The following DOP1B variants were observed in gnomAD, a reference collection of about 807,000 sequenced individuals.
DOP1B encodes protein DOP1B.
DOP1B carries 174 observed loss-of-function variants against 233.5 expected under a neutral mutation model. The ratio of observed to expected loss-of-function variants is 0.75; its 90% CI spans 0.66 to 0.85. DOP1B has a LOEUF of 0.85. DOP1B is among the 40% of genes least tolerant of loss of function. The pLI is 0.00. For synonymous variants in DOP1B, 1,190 were observed against 1,185.6 expected (o/e 1.00, Z -0.08); for missense variants, 2,652 against 2,846.6 (o/e 0.93, Z 1.56).
At chr21:36,261,257 C>T (rs1011308011) in intron 24 of DOP1B, 16 of 906,498 alleles carry the variant, frequency 1.8e-5, no homozygotes, top group African/African-American at 1.9e-5. Context: ...CCCAGCTACT[C>T]GGGAGGCTGA....
At chr21:36,277,362 A>G (rs2146243390) in intron 28 of DOP1B, among the ~76,000 whole-genome samples, 1 of 152,002 alleles carries the variant, frequency 6.6e-6, no homozygotes, top group East Asian at 1.9e-4. Context: ...AGCTCACTGC[A>G]ACCTCCACCT....
intron 2 of DOP1B, among the ~76,000 whole-genome samples, chr21:36,190,524 A>G (rs1399785644): frequency 6.6e-6 from 1 of 151,586 alleles, no homozygotes; most frequent in Admixed American, 6.6e-5. Flanking sequence ...CAGTCTCCCA[A>G]GTATCTGGGA....
At chr21:36,269,551 C>A (rs907841877) in intron 26 of DOP1B, among the ~76,000 whole-genome samples, 2 of 151,916 alleles carry the variant, frequency 1.3e-5, no homozygotes, top group Non-Finnish European at 2.9e-5. Context: ...AACGAAGTCT[C>A]ACTCTGTCAT....
intron 15 of DOP1B, among the ~76,000 whole-genome samples, chr21:36,236,518 TAAA>T (rs2066828433): frequency 6.6e-6 from 1 of 152,204 alleles, no homozygotes; most frequent in African/African-American, 2.4e-5. Flanking sequence ...ACAACCACTG[TAAA>T]TTCACCAAAC....
chr21:36,224,904 A>G (rs2066664700), intron 11 of DOP1B, among the ~76,000 whole-genome samples: 1 of 151,980 alleles, frequency 6.6e-6, no homozygotes, highest in Non-Finnish European at 1.5e-5. Flanking sequence ...CAGGGTGAAC[A>G]GCCATGTGGA....
At chr21:36,201,907 G>A (rs922266098) in intron 4 of DOP1B, among the ~76,000 whole-genome samples, 3 of 151,978 alleles carry the variant, frequency 2.0e-5, no homozygotes, top group African/African-American at 2.4e-5. Context: ...GAGTATGGCC[G>A]GGCACGGTGG....
chr21:36,290,158 CGGGAA>C, intron 35 of DOP1B, among the ~76,000 whole-genome samples: 1 of 152,246 alleles, frequency 6.6e-6, no homozygotes, highest in South Asian at 2.1e-4. Context: ...ATGGGATGTA[CGGGAA>C]CTACTTTCTA....
chr21:36,181,963 G>A (rs981896918), intron 2 of DOP1B, among the ~76,000 whole-genome samples: 1 of 152,216 alleles, frequency 6.6e-6, no homozygotes, highest in Non-Finnish European at 1.5e-5. Flanking sequence ...TATATGGCAA[G>A]AAAGGCATGT....
At chr21:36,270,273 C>A in intron 27 of DOP1B, 116 bp downstream of exon 27, 2 of 1,249,074 alleles carry the variant, frequency 1.6e-6, no homozygotes, top group Non-Finnish European at 2.2e-6. Flanking sequence ...TTAAGGTAGG[C>A]TGGGTGCGGT....
intron 27 of DOP1B, among the ~76,000 whole-genome samples, chr21:36,274,265 A>G (rs1338067012): frequency 6.6e-6 from 1 of 152,190 alleles, no homozygotes; most frequent in African/African-American, 2.4e-5. Flanking sequence ...GCGCTGGTTA[A>G]GGCAGAAGAT....
chr21:36,243,699 G>A, intron 18 of DOP1B, among the ~76,000 whole-genome samples: 1 of 151,616 alleles, frequency 6.6e-6, no homozygotes, highest in African/African-American at 2.4e-5. Flanking sequence ...AGAGACAGGG[G>A]TCTCACTCTG....
In DOP1B at chr21:36,231,687, T is replaced by G. The variant is rs1242660280; in HGVS notation, c.2350+553T>G. Among the ~76,000 whole-genome samples the G allele has an allele frequency of 1.2e-4, 18 of 150,686 alleles. No homozygotes were observed. In the East Asian group the frequency reaches 1.9e-3, roughly 16 times the overall value. ...TTGTGTTGGGTTTTTTTGTTTTTTT[T>G]TTTTTTTTGAGACAGGGTCTGGCTC... On this transcript the variant is annotated intron_variant, in intron 14 of 36. Transcript: ENST00000691173.
intron 9 of DOP1B, 101 bp from the exon 10 acceptor site, chr21:36,219,271 C>A: frequency 7.0e-7 from 1 of 1,427,058 alleles, no homozygotes; most frequent in Non-Finnish European, 9.6e-7. Context: ...TGTCTGTCTG[C>A]ACAGGTTTAC....
intron 1 of DOP1B, among the ~76,000 whole-genome samples, chr21:36,163,033 T>C (rs1453176574): frequency 6.6e-6 from 1 of 152,072 alleles, no homozygotes; most frequent in Non-Finnish European, 1.5e-5. Context: ...AGAAAGGACC[T>C]CTGCCATTGG....
Position 36,237,182 on chromosome 21 carries a change from G to A in DOP1B, c.2623-80G>A, listed in dbSNP as rs1165069205. ...AGGTGAGATCCAGTATGTCGGGGCTGGGACTGACTGAGTGAGGATGTGAGC... is the reference window on the plus strand; with the variant it reads ...AGGTGAGATCCAGTATGTCGGGGCTAGGACTGACTGAGTGAGGATGTGAGC... On this transcript the variant is annotated intron_variant, in intron 15 of 36. Transcript: ENST00000691173. The A allele has an allele frequency of 2.5e-6, 4 of 1,575,694 alleles. No homozygotes were observed. In the Admixed American group the frequency reaches 6.7e-5, roughly 26 times the overall value.
At chr21:36,288,674 G>T (rs989196502) in intron 33 of DOP1B, 82 bp from the exon 34 acceptor site, 2 of 1,063,818 alleles carry the variant, frequency 1.9e-6, no homozygotes, top group African/African-American at 1.6e-5. Flanking sequence ...TAAATTAATC[G>T]ATTTTTAAAA....
At chr21:36,253,652 A>AAAT in intron 22 of DOP1B, 120 bp from the exon 23 acceptor site, 2 of 1,163,940 alleles carry the variant, frequency 1.7e-6, no homozygotes, top group Non-Finnish European at 2.3e-6. Flanking sequence ...AAAAAAAAAA[A>AAAT]GAGATGAAAA....
chr21:36,193,649 T>G (rs1433534868), intron 2 of DOP1B, among the ~76,000 whole-genome samples: 2 of 152,160 alleles, frequency 1.3e-5, no homozygotes, highest in African/African-American at 4.8e-5. Flanking sequence ...CCAGAGAAGT[T>G]TGCCCTAAAA....
At chr21:36,172,666 TG>T (rs1443585805) in intron 2 of DOP1B, among the ~76,000 whole-genome samples, 4 of 152,098 alleles carry the variant, frequency 2.6e-5, no homozygotes, top group African/African-American at 9.7e-5. Context: ...AAGCCTGAGG[TG>T]GGAGGATCCC....
Sources: gnomAD v4.1 joint callset for allele counts (sites outside exome capture counted in the v4.1 genomes callset) on GRCh38, gnomAD v4.1.1 for gene constraint, MANE v1.5 for transcripts, NCBI Gene and HGNC (gene_info 2026-07-23, HGNC 2026-07-21) for gene names.